BCAS3: variants seen among roughly 807,000 people sequenced by gnomAD.
The protein encoded by BCAS3 is BCAS3 microtubule associated cell migration factor, also known as BCAS4/BCAS3 fusion.
Under a neutral mutation model 116.1 loss-of-function variants are expected in BCAS3, and 53 were observed. The observed-to-expected ratio is 0.46, with a 90% CI of 0.37 to 0.57. The LOEUF is 0.57. Ranked by LOEUF, BCAS3 falls within the 20% of genes least tolerant of loss-of-function variation. The pLI is 0.00. For synonymous variants in BCAS3, 391 were observed against 408.2 expected (o/e 0.96, Z 0.51); for missense variants, 917 against 1,165.4 (o/e 0.79, Z 3.10).
In BCAS3 at chr17:61,236,453, G is replaced by A. The variant is rs142252142; in HGVS notation, c.2426-131874G>A. 4.1e-3 allele frequency among the ~76,000 whole-genome samples: 621 copies of A among 152,238 alleles called. 3 individuals carry two copies. Among genetic ancestry groups the A allele is most frequent in the African/African-American group, 0.014 (585 of 41,548 alleles). On this transcript the variant is annotated intron_variant, in intron 22 of 23. Coordinates refer to ENST00000407086, the MANE Select transcript of BCAS3 (RefSeq NM_017679.5). ...TCCTGCCTCAGCCTCCTGAATAGCT[G>A]GGACTATAGGCACCCGCCACCATGC...
intron 14 of BCAS3, among the ~76,000 whole-genome samples, chr17:60,988,556 C>T (rs2063329397): frequency 6.6e-6 from 1 of 151,832 alleles, no homozygotes; most frequent in African/African-American, 2.4e-5. Context: ...AGACTTATTA[C>T]ATCTTCAGTC....
rs66627370 is a variant in BCAS3 at position 61,333,625 on chromosome 17, C to CTTT, written c.2426-34691_2426-34689dup. On this transcript the variant is annotated intron_variant, in intron 22 of 23. Transcript: ENST00000407086. The surrounding 1 kb of genome is among the most constrained non-coding windows in gnomAD (Gnocchi z 4.8). ...AGTTCTTGAAACTTTCTTTTTTTTT[C>CTTT]TTTTTTTTTTTTTGAGACAGAGTCT... Among the ~76,000 whole-genome samples, 1 of 142,534 alleles carries CTTT rather than the reference C, an allele frequency of 7.0e-6. No individual in the cohort carries two copies. Among genetic ancestry groups the CTTT allele is most frequent in the African/African-American group, 2.6e-5 (1 of 38,490 alleles). 93.5% of individuals were successfully genotyped at this position (142,534 alleles called of 152,430 possible). A position where few individuals can be genotyped will look rare whatever the true frequency, so the allele number is the denominator to read the frequency against.
rs187777754 is a variant in BCAS3 at position 61,199,808 on chromosome 17, C to T, written c.2425+115244C>T. ...TATCTCTATCCCTTTTCCAAAAGCC[C>T]GGTAAAGTTAGTTTGCTTAAAACTA... On this transcript the variant is annotated intron_variant, in intron 22 of 23. Coordinates refer to ENST00000407086, the MANE Select transcript of BCAS3 (RefSeq NM_017679.5). This position sits in a 1 kb window ranked among gnomAD's most constrained non-coding sequence, Gnocchi z 4.6. Among the ~76,000 whole-genome samples, 24 of 152,250 alleles carry T rather than the reference C, an allele frequency of 1.6e-4. No individual in the cohort carries two copies. Among genetic ancestry groups the T allele is most frequent in the African/African-American group, 5.5e-4 (23 of 41,550 alleles).
chr17:60,741,978 G>C (rs911728069), intron 5 of BCAS3, among the ~76,000 whole-genome samples: 1 of 152,064 alleles, frequency 6.6e-6, no homozygotes, highest in Non-Finnish European at 1.5e-5. Flanking sequence ...AACTATATAA[G>C]GGACAGATAT....
At chr17:60,886,775 A>G (rs2056682683) in intron 9 of BCAS3, among the ~76,000 whole-genome samples, 1 of 151,922 alleles carries the variant, frequency 6.6e-6, no homozygotes, top group Admixed American at 6.6e-5. Context: ...GGAGTCAGGG[A>G]CCCACTTGAG....
At chr17:61,266,937 C>T (rs2049774683) in intron 22 of BCAS3, among the ~76,000 whole-genome samples, 1 of 152,158 alleles carries the variant, frequency 6.6e-6, no homozygotes, top group African/African-American at 2.4e-5. Context: ...TATCTCTGGC[C>T]AGAGATATAG....
At chr17:61,274,281 ATTTTTTTTTTTT>A (rs780529516) in intron 22 of BCAS3, among the ~76,000 whole-genome samples, 2 of 96,240 alleles carry the variant, frequency 2.1e-5, no homozygotes, top group African/African-American at 8.4e-5. Context: ...AAATCTTTGA[ATTTTTTTTTTTT>A]TTTTTTTTTT....
chr17:61,111,274 G>A (rs1034755554), intron 22 of BCAS3, among the ~76,000 whole-genome samples: 1 of 152,058 alleles, frequency 6.6e-6, no homozygotes, highest in Non-Finnish European at 1.5e-5. Flanking sequence ...GGCTTCAGAC[G>A]ATCGAATTAC....
chr17:61,225,763 T>C (rs1012991765), intron 22 of BCAS3, among the ~76,000 whole-genome samples: 6 of 152,162 alleles, frequency 3.9e-5, no homozygotes, highest in African/African-American at 1.4e-4. Context: ...AGGTGTCTTG[T>C]ATTTGATGCA....
rs532961082 is a variant in BCAS3 at position 60,716,916 on chromosome 17, A to C, written c.321+7591A>C. Reference sequence around the variant, plus strand: ...GTCTATTACATGCCAGACTGTGTTGAAGGTGCTGGGACAACACTGAACAAA... The same window carrying C: ...GTCTATTACATGCCAGACTGTGTTGCAGGTGCTGGGACAACACTGAACAAA... On this transcript the variant is annotated intron_variant, in intron 5 of 23. Coordinates refer to ENST00000407086, the MANE Select transcript of BCAS3 (RefSeq NM_017679.5). Among the ~76,000 whole-genome samples the C allele has an allele frequency of 2.6e-5, 4 of 152,284 alleles. No homozygotes were observed. The South Asian group carries it at 8.3e-4, about 32-fold the overall frequency.
intron 6 of BCAS3, among the ~76,000 whole-genome samples, chr17:60,763,125 A>G (rs562282645): frequency 2.0e-4 from 31 of 152,290 alleles, no homozygotes; most frequent in African/African-American, 7.0e-4. Context: ...TAAATATGCA[A>G]TCATGTCATC....
intron 7 of BCAS3, among the ~76,000 whole-genome samples, chr17:60,818,903 A>G (rs1393790930): frequency 2.0e-5 from 3 of 152,122 alleles, no homozygotes; most frequent in African/African-American, 7.2e-5. Context: ...ATACCAGGTG[A>G]TCCAATAACG....
Position 60,964,746 on chromosome 17 carries a change from T to G in BCAS3, c.1221+17394T>G, listed in dbSNP as rs186824890. ...TTGTTATTGGTTTGTTGAGGTTTTC[T>G]GTTTCTTCATGATTCAATCTTGGAG... On this transcript the variant is annotated intron_variant, in intron 14 of 23. Transcript: ENST00000407086. The surrounding 1 kb of genome is among the most constrained non-coding windows in gnomAD (Gnocchi z 4.6). Among the ~76,000 whole-genome samples the G allele has an allele frequency of 1.3e-5, 2 of 152,272 alleles. No individual in the cohort carries two copies. Among genetic ancestry groups the G allele is most frequent in the Admixed American group, 1.3e-4 (2 of 15,302 alleles).
chr17:61,117,939 A>G (rs975008509), intron 22 of BCAS3, among the ~76,000 whole-genome samples: 6 of 152,190 alleles, frequency 3.9e-5, no homozygotes, highest in Non-Finnish European at 8.8e-5. Flanking sequence ...ATAATTACTC[A>G]TTGAAACATT....
chr17:61,294,788 G>A (rs549718913), intron 22 of BCAS3, among the ~76,000 whole-genome samples: 1 of 152,306 alleles, frequency 6.6e-6, no homozygotes, highest in Admixed American at 6.5e-5. Context: ...TGTATTTGAT[G>A]CAGCTGGTCT....
intron 7 of BCAS3, among the ~76,000 whole-genome samples, chr17:60,852,913 A>G (rs1426355547): frequency 6.6e-6 from 1 of 152,218 alleles, no homozygotes; most frequent in Non-Finnish European, 1.5e-5. Context: ...TAACATACTC[A>G]TACCATAAGA....
At chr17:60,693,070 TTCACCATG>T (rs1231429447) in intron 4 of BCAS3, among the ~76,000 whole-genome samples, 1 of 151,714 alleles carries the variant, frequency 6.6e-6, no homozygotes, top group Non-Finnish European at 1.5e-5. Flanking sequence ...GAAACAGGGT[TTCACCATG>T]TTGGCCAGGC....
intron 12 of BCAS3, among the ~76,000 whole-genome samples, chr17:60,913,891 T>C (rs192271845): frequency 5.3e-5 from 8 of 152,290 alleles, no homozygotes; most frequent in Non-Finnish European, 5.9e-5. Flanking sequence ...ACTTTCATGT[T>C]TTATTTAAAA....
At position 60,938,563 on chromosome 17, in the gene BCAS3, C is replaced by T. The variant is rs993877766; in HGVS notation, c.1088-8656C>T. ...AAACTATGAAACTTTAAAAAGAAAA[C>T]GTAAGGTTATATCCTTAAACTTGGG... On this transcript the variant is annotated intron_variant, in intron 13 of 23. Coordinates refer to ENST00000407086, the MANE Select transcript of BCAS3 (RefSeq NM_017679.5). 1.1e-4 allele frequency among the ~76,000 whole-genome samples: 17 copies of T among 151,812 alleles called. No individual in the cohort carries two copies. In the Middle Eastern group the frequency reaches 0.01, roughly 91 times the overall value.
Sources: gnomAD v4.1 joint callset for allele counts (sites outside exome capture counted in the v4.1 genomes callset) on GRCh38, gnomAD v4.1.1 for gene constraint, Gnocchi (gnomAD v3.1) non-coding constraint, MANE v1.5 for transcripts, NCBI Gene and HGNC (gene_info 2026-07-23, HGNC 2026-07-21) for gene names.